LRRC20: variants seen among roughly 807,000 people sequenced by gnomAD.
The protein encoded by LRRC20 is leucine-rich repeat-containing protein 20.
Under a neutral mutation model 14.4 loss-of-function variants are expected in LRRC20, and 11 were observed. The ratio of observed to expected loss-of-function variants is 0.77; its 90% CI spans 0.48 to 1.27. The LOEUF (loss-of-function observed/expected upper bound fraction) is 1.27, where lower values mean the gene tolerates loss of function less well. Ranked by LOEUF, LRRC20 falls within the 50% of genes most tolerant of loss-of-function variation. The probability of loss-of-function intolerance (pLI) is 0.00; values close to 1 mark genes in which losing one functional copy is unlikely to be tolerated. For synonymous variants in LRRC20, 121 were observed against 107.3 expected, an observed-to-expected ratio of 1.13 and a Z score of -0.79; for missense variants, 219 against 251.2, an observed-to-expected ratio of 0.87 and a Z score of 0.87.
intron 2 of LRRC20, 108 bp from the exon 3 acceptor site, chr10:70,340,810 C>T (rs1842888445): frequency 2.5e-6 from 3 of 1,178,182 alleles, no homozygotes; most frequent in Non-Finnish European, 3.6e-6. Context: ...AGCCTCCTTG[C>T]CCTCCCACCT....
intron 2 of LRRC20, among the ~76,000 whole-genome samples, chr10:70,345,378 T>C (rs1368939108): frequency 6.6e-6 from 1 of 151,820 alleles, no homozygotes; most frequent in East Asian, 1.9e-4. Flanking sequence ...GTAAACTTAA[T>C]TGAACATTTA....
chr10:70,364,712 A>G (rs1843902291), intron 2 of LRRC20, among the ~76,000 whole-genome samples: 1 of 152,182 alleles, frequency 6.6e-6, no homozygotes, highest in Admixed American at 6.5e-5. Flanking sequence ...AGAAAGAAGC[A>G]AGCGCTCAGC....
chr10:70,366,143 GC>G (rs1212529306), intron 2 of LRRC20, among the ~76,000 whole-genome samples: 1 of 151,418 alleles, frequency 6.6e-6, no homozygotes, highest in Non-Finnish European at 1.5e-5. Flanking sequence ...TACAACGTCG[GC>G]CAGGAACGTG....
At chr10:70,336,409 T>C (rs1030504474) in intron 3 of LRRC20, among the ~76,000 whole-genome samples, 2 of 152,208 alleles carry the variant, frequency 1.3e-5, no homozygotes, top group Non-Finnish European at 1.5e-5. Context: ...GCCTGCCATA[T>C]GTCAGATTTG....
chr10:70,308,960 A>G (rs1841535399), intron 4 of LRRC20, among the ~76,000 whole-genome samples: 1 of 152,104 alleles, frequency 6.6e-6, no homozygotes, highest in East Asian at 1.9e-4. Context: ...GGTGCTGCCT[A>G]TGGTAGTTCT....
At chr10:70,326,408 T>G (rs76946497) in intron 3 of LRRC20, among the ~76,000 whole-genome samples, 2,464 of 152,202 alleles carry the variant, frequency 0.016, 89 homozygotes, top group African/African-American at 0.057. Context: ...GAACTACATC[T>G]GATTCATCTT....
Position 70,301,014 on chromosome 10 carries a change from C to G in LRRC20, c.*340G>C. The G allele has an allele frequency of 9.4e-7, 1 of 1,068,166 alleles. No individual in the cohort carries two copies. Among genetic ancestry groups the G allele is most frequent in the Non-Finnish European group, 1.1e-6 (1 of 883,778 alleles). The allele number at this position is 1,068,166 out of a possible 1,614,324, so 66.2% of individuals were successfully genotyped here. The stretch of plus-strand genomic sequence containing the variant: ...CTGATCTGGAGGTAACTTGGAGGCA[C>G]GTACTGCTTAAAAACCTCCAGGGAG... On this transcript the variant is annotated 3_prime_UTR_variant, in exon 5 of 5. Coordinates refer to ENST00000446961, the MANE Select transcript of LRRC20 (RefSeq NM_001278212.2).
chr10:70,354,438 C>T (rs1364033136), intron 2 of LRRC20, among the ~76,000 whole-genome samples: 1 of 152,172 alleles, frequency 6.6e-6, no homozygotes, highest in African/African-American at 2.4e-5. Context: ...AGTGGTTCTC[C>T]AAGGGCATCA....
intron 2 of LRRC20, among the ~76,000 whole-genome samples, chr10:70,349,062 GGAGA>G (rs1202508028): frequency 2.0e-5 from 3 of 152,228 alleles, no homozygotes; most frequent in African/African-American, 7.2e-5. Context: ...GCTGCAGACA[GGAGA>G]GAGTGGTCCT....
chr10:70,378,389 T>C (rs975193287), intron 1 of LRRC20, among the ~76,000 whole-genome samples: 4 of 151,782 alleles, frequency 2.6e-5, no homozygotes, highest in African/African-American at 9.7e-5. Flanking sequence ...ATGCCTGTAA[T>C]CCCAGCACTT....
chr10:70,310,442 C>G (rs1020398609), intron 4 of LRRC20, among the ~76,000 whole-genome samples: 7 of 152,214 alleles, frequency 4.6e-5, no homozygotes, highest in Non-Finnish European at 8.8e-5. Flanking sequence ...TCACCACTCA[C>G]CACGTCCTGC....
intron 2 of LRRC20, among the ~76,000 whole-genome samples, chr10:70,361,018 C>G (rs914999093): frequency 3.4e-5 from 5 of 148,924 alleles, no homozygotes; most frequent in Non-Finnish European, 7.4e-5. Context: ...CCACTGCACC[C>G]GACTGGAAGA....
intron 3 of LRRC20, among the ~76,000 whole-genome samples, chr10:70,338,116 T>C (rs1196369296): frequency 6.6e-6 from 1 of 152,308 alleles, no homozygotes; most frequent in Non-Finnish European, 1.5e-5. Flanking sequence ...GTCCTCCAAG[T>C]CATAGGGATT....
intron 4 of LRRC20, among the ~76,000 whole-genome samples, chr10:70,315,065 T>C (rs992256650): frequency 6.6e-6 from 1 of 152,230 alleles, no homozygotes; most frequent in African/African-American, 2.4e-5. Flanking sequence ...TGTGCCTCGG[T>C]TTCCTCACCT....
chr10:70,379,265 C>A (rs1283994242), intron 1 of LRRC20, among the ~76,000 whole-genome samples: 1 of 152,206 alleles, frequency 6.6e-6, no homozygotes, highest in Admixed American at 6.5e-5. Context: ...CTGTGGCAAA[C>A]TGGACCCAAC....
intron 2 of LRRC20, among the ~76,000 whole-genome samples, chr10:70,365,843 G>T (rs1169186185): frequency 2.0e-5 from 3 of 152,188 alleles, no homozygotes; most frequent in African/African-American, 7.2e-5. Flanking sequence ...GGCCGAGGCG[G>T]GCGGATCACG....
intron 3 of LRRC20, among the ~76,000 whole-genome samples, chr10:70,326,865 T>C (rs1214866417): frequency 1.3e-5 from 2 of 152,192 alleles, no homozygotes; most frequent in Non-Finnish European, 2.9e-5. Flanking sequence ...TTCACCATGT[T>C]AGCCAGGATG....
chr10:70,307,850 T>G lies in LRRC20; in HGVS notation c.401-6342A>C, dbSNP rs554249065. ...TCACCTTGCAGGGAGGTCCCAGAAGTCGACAAGATGCCTGCATGCAGTACA... is the reference window on the plus strand; with the variant it reads ...TCACCTTGCAGGGAGGTCCCAGAAGGCGACAAGATGCCTGCATGCAGTACA... On this transcript the variant is annotated intron_variant, in intron 4 of 4. Transcript: ENST00000446961. 5.3e-5 allele frequency among the ~76,000 whole-genome samples: 8 copies of G among 152,296 alleles called. No homozygotes were observed. The South Asian group carries it at 1.2e-3, about 24-fold the overall frequency.
At chr10:70,339,690 C>T (rs1343329257) in intron 3 of LRRC20, among the ~76,000 whole-genome samples, 1 of 152,214 alleles carries the variant, frequency 6.6e-6, no homozygotes, top group African/African-American at 2.4e-5. Context: ...AGGGCAGGCA[C>T]TGCAGCAGTC....
Sources: allele counts gnomAD v4.1 joint callset (sites outside exome capture counted in the v4.1 genomes callset), GRCh38; gene constraint gnomAD v4.1.1; transcripts MANE v1.5; gene names NCBI Gene and HGNC (gene_info 2026-07-23, HGNC 2026-07-21).